SAMMSON: variants seen among roughly 807,000 people sequenced by gnomAD.
SAMMSON encodes the protein survival associated mitochondrial melanoma specific oncogenic non-coding RNA.
At chr3:70,347,764 C>T (rs994882921) in intron 7 of SAMMSON, among the ~76,000 whole-genome samples, 27 of 152,178 alleles carry the variant, frequency 1.8e-4, no homozygotes, top group African/African-American at 3.9e-4. Flanking sequence ...ACGTTAGGGT[C>T]GGGAGCAGCG....
intron 4 of SAMMSON, among the ~76,000 whole-genome samples, chr3:70,133,586 G>T (rs911774231): frequency 2.6e-5 from 4 of 152,154 alleles, no homozygotes; most frequent in Non-Finnish European, 5.9e-5. Flanking sequence ...ACAGGTCACA[G>T]TCTGGGGCTT....
intron 4 of SAMMSON, among the ~76,000 whole-genome samples, chr3:70,112,567 G>A (rs535966626): frequency 6.6e-6 from 1 of 152,132 alleles, no homozygotes; most frequent in South Asian, 2.1e-4. Flanking sequence ...TAGAAAATAG[G>A]ATAGAAGAAC....
intron 4 of SAMMSON, chr3:70,126,345 A>G (rs771966149): frequency 1.7e-6 from 2 of 1,183,356 alleles, no homozygotes; most frequent in South Asian, 1.3e-5. Flanking sequence ...AGTATGACCT[A>G]AAAGTTTCAG....
In SAMMSON at chr3:70,032,890, A is replaced by C. The variant is rs540742057; in HGVS notation, n.417+19218A>C. ...TTGGACAAATAAAGGAAAACTTCGC[A>C]ATGATGTAGCAGATGCTTTGGGGGC... On this transcript the variant is annotated intron_variant and non_coding_transcript_variant, in intron 3 of 9. Coordinates refer to ENST00000642114, the Ensembl canonical transcript of SAMMSON. 3.9e-5 allele frequency among the ~76,000 whole-genome samples: 6 copies of C among 152,274 alleles called. 1 individual carries two copies. In the South Asian group the frequency reaches 1.2e-3, roughly 32 times the overall value.
chr3:70,016,540 T>C (rs1351519268), intron 3 of SAMMSON, among the ~76,000 whole-genome samples: 2 of 152,128 alleles, frequency 1.3e-5, no homozygotes, highest in South Asian at 2.1e-4. Context: ...GTAGGTTGCC[T>C]GTTCACTCTG....
intron 2 of SAMMSON, among the ~76,000 whole-genome samples, chr3:70,396,075 G>T (rs879437206): frequency 1.3e-5 from 2 of 152,046 alleles, no homozygotes; most frequent in Non-Finnish European, 2.9e-5. Flanking sequence ...TTTAAAATTT[G>T]ATCTCTAGCA....
At chr3:70,276,939 A>G (rs573914131) in intron 6 of SAMMSON, among the ~76,000 whole-genome samples, 10 of 152,352 alleles carry the variant, frequency 6.6e-5, no homozygotes, top group African/African-American at 2.4e-4. Flanking sequence ...TCACATTAAT[A>G]AAGTGAACAT....
intron 6 of SAMMSON, among the ~76,000 whole-genome samples, chr3:70,279,236 A>G (rs1444545494): frequency 1.3e-5 from 2 of 151,848 alleles, no homozygotes; most frequent in Non-Finnish European, 2.9e-5. Context: ...AACCCTGCAA[A>G]GTACATATTA....
At position 70,162,223 on chromosome 3, in the gene SAMMSON, G is replaced by T. The variant is rs1375815578; in HGVS notation, n.508-86884G>T. 3.3e-5 allele frequency among the ~76,000 whole-genome samples: 5 copies of T among 151,832 alleles called. No individual in the cohort carries two copies. The East Asian group carries it at 9.6e-4, about 29-fold the overall frequency. On this transcript the variant is annotated intron_variant and non_coding_transcript_variant, in intron 4 of 9. Coordinates refer to ENST00000642114, the Ensembl canonical transcript of SAMMSON. The stretch of plus-strand genomic sequence containing the variant: ...CTTTTTCAAGGATCTTAAGATGTAA[G>T]ATTAGTAAATTGCTTTGAGATCTTT...
At chr3:70,287,762 C>G (rs1273684933) in intron 6 of SAMMSON, among the ~76,000 whole-genome samples, 1 of 151,482 alleles carries the variant, frequency 6.6e-6, no homozygotes, top group East Asian at 2.0e-4. Flanking sequence ...TTCAGAGATT[C>G]AACTTCTTCC....
intron 2 of SAMMSON, among the ~76,000 whole-genome samples, chr3:70,429,300 C>A (rs930660344): frequency 3.3e-5 from 5 of 151,952 alleles, no homozygotes; most frequent in Admixed American, 2.6e-4. Flanking sequence ...ATTTCTGAGG[C>A]CTCTATTCTA....
intron 6 of SAMMSON, among the ~76,000 whole-genome samples, chr3:70,288,735 A>G (rs9882525): frequency 0.4 from 59,903 of 150,366 alleles, 12,351 homozygotes; most frequent in South Asian, 0.56. Context: ...TTATGAATCT[A>G]GGTGCTCCTG....
At chr3:70,147,841 A>G (rs1448512693) in intron 4 of SAMMSON, among the ~76,000 whole-genome samples, 1 of 152,070 alleles carries the variant, frequency 6.6e-6, no homozygotes, top group Non-Finnish European at 1.5e-5. Context: ...TGCAAAACAC[A>G]TTGTTAAGAA....
intron 9 of SAMMSON, among the ~76,000 whole-genome samples, chr3:70,386,890 G>T (rs1703127131): frequency 6.6e-6 from 1 of 152,092 alleles, no homozygotes; most frequent in African/African-American, 2.4e-5. Context: ...TCTCTGTTGG[G>T]ATGTATTTCA....
intron 4 of SAMMSON, among the ~76,000 whole-genome samples, chr3:70,111,341 G>A (rs1046193158): frequency 6.6e-6 from 1 of 152,136 alleles, no homozygotes. Context: ...TATAAATACT[G>A]GGAATCATCC....
intron 4 of SAMMSON, among the ~76,000 whole-genome samples, chr3:70,189,121 A>T (rs894526614): frequency 2.0e-5 from 3 of 152,130 alleles, no homozygotes; most frequent in African/African-American, 7.2e-5. Flanking sequence ...CTCAAGGATG[A>T]CCTCTATTCT....
At chr3:70,286,695 G>C (rs1046832343) in intron 6 of SAMMSON, among the ~76,000 whole-genome samples, 2 of 152,072 alleles carry the variant, frequency 1.3e-5, no homozygotes, top group Admixed American at 1.3e-4. Context: ...CCATGAGCAT[G>C]GAATGTTCTT....
intron 4 of SAMMSON, among the ~76,000 whole-genome samples, chr3:70,156,510 A>G (rs979925995): frequency 6.6e-6 from 1 of 152,122 alleles, no homozygotes; most frequent in Non-Finnish European, 1.5e-5. Flanking sequence ...CATAATTGAT[A>G]GAGACAAGAC....
At chr3:70,126,371 C>A in intron 4 of SAMMSON, 1 of 1,003,762 alleles carries the variant, frequency 1.0e-6, no homozygotes, top group South Asian at 1.4e-5. Context: ...GGAGTCTTGT[C>A]AATGCCTTTA....
Sources: gnomAD v4.1 joint callset for allele counts (sites outside exome capture counted in the v4.1 genomes callset) on GRCh38, gnomAD v4.1.1 for gene constraint, MANE v1.5 for transcripts, NCBI Gene and HGNC (gene_info 2026-07-23, HGNC 2026-07-21) for gene names.